JMJD1C: variants seen among roughly 807,000 people sequenced by gnomAD.
JMJD1C encodes the protein jumonji domain-containing protein 1C.
Under a neutral mutation model 245.3 loss-of-function variants are expected in JMJD1C, and 31 were observed. The ratio of observed to expected loss-of-function variants is 0.13; its 90% confidence interval spans 0.09 to 0.17. The LOEUF (loss-of-function observed/expected upper bound fraction) is 0.17, where lower values mean the gene tolerates loss of function less well. Among genes scored for constraint, JMJD1C ranks in the 10% least tolerant of loss-of-function variants. The pLI, the probability that JMJD1C is intolerant of heterozygous loss-of-function variation, is 1.00. For synonymous variants in JMJD1C, 1,057 were observed against 1,017.4 expected (o/e 1.04, Z -0.74); for missense variants, 2,691 against 3,000.2 (o/e 0.90, Z 2.41).
intron 1 of JMJD1C, among the ~76,000 whole-genome samples, chr10:63,447,185 T>C (rs1244397271): frequency 1.3e-5 from 2 of 151,926 alleles, no homozygotes; most frequent in Non-Finnish European, 1.5e-5. Flanking sequence ...ATCAAGCAAG[T>C]TTCTCAAGCT....
intron 2 of JMJD1C, among the ~76,000 whole-genome samples, chr10:63,272,797 A>T (rs1473439917): frequency 2.0e-5 from 3 of 152,188 alleles, no homozygotes; most frequent in Admixed American, 1.3e-4. Context: ...ACATTAGAAA[A>T]TTTCACAGGA....
chr10:63,487,122 G>A (rs895461549), intron 1 of JMJD1C, among the ~76,000 whole-genome samples: 19 of 152,088 alleles, frequency 1.2e-4, no homozygotes, highest in African/African-American at 4.1e-4. Context: ...ATAAGAGGAA[G>A]GTATGATATA....
intron 1 of JMJD1C, among the ~76,000 whole-genome samples, chr10:63,417,244 T>A (rs1589707597): frequency 2.0e-5 from 3 of 152,192 alleles, no homozygotes; most frequent in Admixed American, 2.0e-4. Flanking sequence ...GGAAGTTAAA[T>A]ATGTTAAGAA....
At chr10:63,349,100 C>CAAAAAA (rs71463516) in intron 2 of JMJD1C, among the ~76,000 whole-genome samples, 389 of 34,858 alleles carry the variant, frequency 0.011, 96 homozygotes, top group African/African-American at 0.045. Flanking sequence ...GACTCTGTCT[C>CAAAAAA]AAAAAAAAAA....
chr10:63,517,592 A>G (rs1955060458), intron 1 of JMJD1C, among the ~76,000 whole-genome samples: 2 of 152,176 alleles, frequency 1.3e-5, no homozygotes, highest in Admixed American at 1.3e-4. Context: ...CAATGTATGA[A>G]TATTAGTGAT....
intron 2 of JMJD1C, among the ~76,000 whole-genome samples, chr10:63,317,805 A>T (rs1040004367): frequency 6.6e-6 from 1 of 151,896 alleles, no homozygotes; most frequent in Admixed American, 6.6e-5. Flanking sequence ...TCTGTGCTTC[A>T]TTTTGCATTG....
chr10:63,519,386 C>T (rs1955131862), intron 1 of JMJD1C, among the ~76,000 whole-genome samples: 1 of 152,196 alleles, frequency 6.6e-6, no homozygotes, highest in Non-Finnish European at 1.5e-5. Flanking sequence ...TTCCAATGTA[C>T]GTGGCTGAAA....
intron 1 of JMJD1C, among the ~76,000 whole-genome samples, chr10:63,460,377 G>A (rs1952703686): frequency 6.6e-6 from 1 of 152,108 alleles, no homozygotes; most frequent in African/African-American, 2.4e-5. Context: ...AAAATTAGTT[G>A]GGTATAGTGG....
chr10:63,452,667 A>C (rs1952142941), intron 1 of JMJD1C, among the ~76,000 whole-genome samples: 1 of 152,236 alleles, frequency 6.6e-6, no homozygotes, highest in Admixed American at 6.5e-5. Flanking sequence ...AAAAGGTAGA[A>C]GCAATCCTTC....
rs375257523 is a variant in JMJD1C, at chr10:63,421,745, G to C, written c.169-41263C>G. On this transcript the variant is annotated intron_variant, in intron 1 of 25. Transcript: ENST00000399262. ...CTGATTAAGACTGGAGTACTTTTAA[G>C]AGGAAGAAATATCAGAGCTTCACTT... 4.6e-5 allele frequency among the ~76,000 whole-genome samples: 7 copies of C among 152,244 alleles called. No individual in the cohort carries two copies. The East Asian group carries it at 1.2e-3, about 25-fold the overall frequency.
At chr10:63,292,427 A>G (rs865990784) in intron 2 of JMJD1C, among the ~76,000 whole-genome samples, 3 of 151,794 alleles carry the variant, frequency 2.0e-5, no homozygotes, top group African/African-American at 7.3e-5. Context: ...CGTGGCCAAC[A>G]TGGCGAAACC....
At chr10:63,308,755 A>C (rs1171635495) in intron 2 of JMJD1C, among the ~76,000 whole-genome samples, 1 of 150,226 alleles carries the variant, frequency 6.7e-6, no homozygotes, top group Non-Finnish European at 1.5e-5. Context: ...TGAGAACAAA[A>C]AAAAAAAAAA....
chr10:63,339,964 G>C (rs1943217488), intron 2 of JMJD1C, among the ~76,000 whole-genome samples: 1 of 152,292 alleles, frequency 6.6e-6, no homozygotes, highest in South Asian at 2.1e-4. Context: ...AGAGGCTGAG[G>C]CAGGAGAAAT....
chr10:63,451,875 T>C (rs1217283696), intron 1 of JMJD1C, among the ~76,000 whole-genome samples: 1 of 152,058 alleles, frequency 6.6e-6, no homozygotes, highest in Non-Finnish European at 1.5e-5. Flanking sequence ...GCTGAGAAAA[T>C]GAGATTAACA....
At chr10:63,242,443 C>T (rs969672951) in intron 3 of JMJD1C, among the ~76,000 whole-genome samples, 8 of 152,232 alleles carry the variant, frequency 5.3e-5, no homozygotes, top group Middle Eastern at 3.4e-3. Flanking sequence ...AAAAGCAGGC[C>T]GGGCGTAGTG....
chr10:63,452,343 CA>C (rs1952122613), intron 1 of JMJD1C, among the ~76,000 whole-genome samples: 1 of 152,124 alleles, frequency 6.6e-6, no homozygotes, highest in South Asian at 2.1e-4. Flanking sequence ...AAAAGATGCT[CA>C]AAAATCACTA....
intron 1 of JMJD1C, among the ~76,000 whole-genome samples, chr10:63,386,193 A>C (rs977773723): frequency 3.9e-5 from 6 of 152,138 alleles, no homozygotes; most frequent in Non-Finnish European, 7.4e-5. Context: ...CCTCCCTAGC[A>C]GTGGGGTAAC....
chr10:63,213,641 A>T lies in JMJD1C; in HGVS notation c.2526T>A (p.Pro842=). 1 of 1,614,224 alleles carries T rather than the reference A, an allele frequency of 6.2e-7. No homozygotes were observed. Among genetic ancestry groups the T allele is most frequent in the Non-Finnish European group, 8.5e-7 (1 of 1,180,016 alleles). ...AAGGATGGGCTTGTCCAAGAAGATG[A>T]GGTGACTGGTGCTGTAACAACTGTT... ...QQQQLLQHQS[P]HLLGQAHPSA... Residue 842 remains proline, a synonymous_variant, in exon 8 of 26, where the codon CCT becomes CCA. Transcript: ENST00000399262.
intron 3 of JMJD1C, among the ~76,000 whole-genome samples, chr10:63,230,581 C>G (rs992097502): frequency 6.6e-6 from 1 of 151,966 alleles, no homozygotes; most frequent in African/African-American, 2.4e-5. Flanking sequence ...GTTGCATTCA[C>G]AATGGTAGTT....
Sources: gnomAD v4.1 joint callset for allele counts (sites outside exome capture counted in the v4.1 genomes callset) on GRCh38, gnomAD v4.1.1 for gene constraint, MANE v1.5 for transcripts, NCBI Gene and HGNC (gene_info 2026-07-23, HGNC 2026-07-21) for gene names.